The following PTPRD variants were observed in gnomAD, a reference collection of about 807,000 sequenced individuals.
PTPRD encodes receptor-type tyrosine-protein phosphatase delta.
PTPRD carries 34 observed loss-of-function variants against 214.5 expected under a neutral mutation model. That is an observed-to-expected ratio of 0.16 (90% CI 0.12 to 0.21). The LOEUF is 0.21. Ranked by LOEUF, PTPRD falls within the 10% of genes least tolerant of loss-of-function variation. PTPRD has a pLI of 1.00. For synonymous variants in PTPRD, 1,128 were observed against 845.7 expected (o/e 1.33, Z -5.79); for missense variants, 2,545 against 2,398.7 (o/e 1.06, Z -1.27).
intron 3 of PTPRD, among the ~76,000 whole-genome samples, chr9:10,100,361 G>T (rs1190371271): frequency 1.3e-5 from 2 of 151,702 alleles, no homozygotes; most frequent in Admixed American, 1.3e-4. Context: ...CAAATGGGTA[G>T]AAAGAAGTGG....
chr9:10,500,017 A>T (rs995330849), intron 2 of PTPRD, among the ~76,000 whole-genome samples: 1 of 151,584 alleles, frequency 6.6e-6, no homozygotes, highest in Non-Finnish European at 1.5e-5. Context: ...CCCAAACCAA[A>T]TATCTTTATA....
intron 2 of PTPRD, among the ~76,000 whole-genome samples, chr9:10,508,252 T>C (rs1346495691): frequency 6.6e-6 from 1 of 152,074 alleles, no homozygotes; most frequent in Admixed American, 6.6e-5. Flanking sequence ...TGAGATACCA[T>C]CTCACACCAG....
At chr9:8,563,724 C>T (rs1026467767) in intron 14 of PTPRD, among the ~76,000 whole-genome samples, 1 of 152,168 alleles carries the variant, frequency 6.6e-6, no homozygotes, top group African/African-American at 2.4e-5. Context: ...CGCAGTGGCA[C>T]AATCTCAGCT....
chr9:9,775,890 A>G (rs1396313077), intron 5 of PTPRD, among the ~76,000 whole-genome samples: 1 of 131,958 alleles, frequency 7.6e-6, no homozygotes, highest in Non-Finnish European at 1.5e-5. Context: ...AGGGAGGCGG[A>G]GCTTGCAGTG....
chr9:9,127,157 T>C (rs1245792464), intron 10 of PTPRD, among the ~76,000 whole-genome samples: 3 of 152,134 alleles, frequency 2.0e-5, no homozygotes, highest in African/African-American at 7.2e-5. Flanking sequence ...GTACACATGC[T>C]GACTCACCTC....
chr9:9,346,606 A>G (rs1270121518), intron 9 of PTPRD, among the ~76,000 whole-genome samples: 1 of 152,162 alleles, frequency 6.6e-6, no homozygotes, highest in Non-Finnish European at 1.5e-5. Context: ...ACGGATGTAT[A>G]TAAAGCACTC....
chr9:8,526,434 CAAAG>C (rs1196758858), intron 17 of PTPRD, among the ~76,000 whole-genome samples, 189 bp downstream of exon 17: 3 of 148,032 alleles, frequency 2.0e-5, no homozygotes, highest in African/African-American at 2.5e-5. Context: ...ATGAACAAAA[CAAAG>C]AGAGAAAGAA....
At chr9:8,331,062 T>G (rs1840158208) in intron 44 of PTPRD, among the ~76,000 whole-genome samples, 1 of 143,594 alleles carries the variant, frequency 7.0e-6, no homozygotes, top group Non-Finnish European at 1.5e-5. Context: ...CTATTGAAAA[T>G]AATTAACTTG....
intron 2 of PTPRD, among the ~76,000 whole-genome samples, chr9:10,515,707 A>C (rs2049851274): frequency 6.6e-6 from 1 of 151,954 alleles, no homozygotes; most frequent in Non-Finnish European, 1.5e-5. Flanking sequence ...CATCTTGGCT[A>C]ACTTAAATTA....
At chr9:8,791,012 T>C (rs4742539) in intron 11 of PTPRD, among the ~76,000 whole-genome samples, 54,242 of 151,970 alleles carry the variant, frequency 0.36, 11,689 homozygotes, top group Middle Eastern at 0.51. Flanking sequence ...CTATAGCCAA[T>C]AAAGACTCAC....
intron 10 of PTPRD, among the ~76,000 whole-genome samples, chr9:9,072,193 A>G (rs2099744705): frequency 6.6e-6 from 1 of 152,082 alleles, no homozygotes; most frequent in African/African-American, 2.4e-5. Flanking sequence ...TTTATCATTA[A>G]AAACCAAAAT....
intron 2 of PTPRD, among the ~76,000 whole-genome samples, chr9:10,607,677 G>A (rs1385250136): frequency 1.3e-5 from 2 of 151,556 alleles, no homozygotes; most frequent in Non-Finnish European, 3.0e-5. Context: ...TGGTCATATT[G>A]ATTTTCCTAG....
intron 3 of PTPRD, among the ~76,000 whole-genome samples, chr9:10,330,141 G>A (rs966644488): frequency 6.6e-6 from 1 of 151,656 alleles, no homozygotes; most frequent in African/African-American, 2.4e-5. Context: ...TCTGTCACAG[G>A]AAACTTAAAT....
intron 8 of PTPRD, among the ~76,000 whole-genome samples, chr9:9,527,781 G>A (rs1433582247): frequency 1.3e-5 from 2 of 152,002 alleles, no homozygotes; most frequent in East Asian, 1.9e-4. Context: ...TATAAAATAT[G>A]TCTCTCTTTG....
At chr9:10,243,307 C>G (rs183505731) in intron 3 of PTPRD, among the ~76,000 whole-genome samples, 1 of 151,302 alleles carries the variant, frequency 6.6e-6, no homozygotes, top group Admixed American at 6.6e-5. Flanking sequence ...GTGGCTATTG[C>G]TTTTGAGACC....
At chr9:10,429,463 G>T (rs929389172) in intron 2 of PTPRD, among the ~76,000 whole-genome samples, 1 of 151,724 alleles carries the variant, frequency 6.6e-6, no homozygotes, top group Non-Finnish European at 1.5e-5. Context: ...AATAAAGTGC[G>T]GTGTATATGC....
chr9:8,468,473 T>G (rs1172517032), intron 31 of PTPRD, among the ~76,000 whole-genome samples: 3 of 151,988 alleles, frequency 2.0e-5, no homozygotes, highest in Admixed American at 6.6e-5. Flanking sequence ...CAGTTTGACC[T>G]TGACAATAGG....
At position 10,017,224 on chromosome 9, in the gene PTPRD, G is replaced by T. The variant is rs190868002; in HGVS notation, c.-472+16494C>A. Among the ~76,000 whole-genome samples, 75 of 152,192 alleles carry T rather than the reference G, an allele frequency of 4.9e-4. 2 individuals are homozygous for T. In the East Asian group the frequency reaches 0.01, roughly 21 times the overall value. On this transcript the variant is annotated intron_variant, in intron 4 of 45. Coordinates refer to ENST00000381196, the MANE Select transcript of PTPRD (RefSeq NM_002839.4). ...TTAATTTGCATTTATCTTATTGATAGCATATTTTCATAAAGGTATAAGCTA... is the reference window on the plus strand; with the variant it reads ...TTAATTTGCATTTATCTTATTGATATCATATTTTCATAAAGGTATAAGCTA...
chr9:8,749,298 G>C (rs181335624), intron 11 of PTPRD, among the ~76,000 whole-genome samples: 174 of 152,038 alleles, frequency 1.1e-3, no homozygotes, highest in African/African-American at 4.1e-3. Flanking sequence ...CTACATTCTC[G>C]TGTCTCATCT....
Sources: gnomAD v4.1 joint callset for allele counts (sites outside exome capture counted in the v4.1 genomes callset) on GRCh38, gnomAD v4.1.1 for gene constraint, MANE v1.5 for transcripts, NCBI Gene and HGNC (gene_info 2026-07-23, HGNC 2026-07-21) for gene names.